The following OPCML variants were observed in gnomAD, a reference collection of about 807,000 sequenced individuals.
OPCML encodes opioid-binding protein/cell adhesion molecule.
In OPCML, 13 loss-of-function variants were observed where a neutral mutation model predicts 37.8. That is an observed-to-expected ratio of 0.34 (90% CI 0.22 to 0.55). The LOEUF (loss-of-function observed/expected upper bound fraction) is 0.55, where lower values mean the gene tolerates loss of function less well. Among genes scored for constraint, OPCML ranks in the 20% least tolerant of loss-of-function variants. The pLI, the probability that OPCML is intolerant of heterozygous loss-of-function variation, is 0.91. For synonymous variants in OPCML, 176 were observed against 168.8 expected, an observed-to-expected ratio of 1.04 and a Z score of -0.33; for missense variants, 341 against 435.6, an observed-to-expected ratio of 0.78 and a Z score of 1.93.
chr11:132,622,814 T>C (rs925697524), intron 3 of OPCML, among the ~76,000 whole-genome samples: 4 of 152,040 alleles, frequency 2.6e-5, no homozygotes, highest in African/African-American at 9.7e-5. Context: ...CAAGCATTTA[T>C]CATATTGCAC....
At chr11:133,143,683 A>G (rs1169238522) in intron 1 of OPCML, among the ~76,000 whole-genome samples, 1 of 152,158 alleles carries the variant, frequency 6.6e-6, no homozygotes, top group African/African-American at 2.4e-5. Context: ...CATGAATCGG[A>G]TGATGCCATT....
At chr11:132,870,178 G>T (rs1442853160) in intron 2 of OPCML, among the ~76,000 whole-genome samples, 1 of 152,102 alleles carries the variant, frequency 6.6e-6, no homozygotes, top group Non-Finnish European at 1.5e-5. Flanking sequence ...ACTTGCTCAG[G>T]AATGGGGGAC....
intron 2 of OPCML, among the ~76,000 whole-genome samples, chr11:132,843,611 CA>C (rs11284432): frequency 0.21 from 30,488 of 144,372 alleles, 3,423 homozygotes; most frequent in African/African-American, 0.31. Context: ...AGCCTGGCAC[CA>C]AAAAAAAAAA....
chr11:132,990,747 T>C (rs2136817545), intron 1 of OPCML, among the ~76,000 whole-genome samples: 1 of 152,332 alleles, frequency 6.6e-6, no homozygotes, highest in South Asian at 2.1e-4. Context: ...CTGAAGATTT[T>C]AGTTGTGTGA....
chr11:133,008,369 CAG>C, intron 1 of OPCML: 1 of 985,416 alleles, frequency 1.0e-6, no homozygotes, highest in Non-Finnish European at 1.2e-6. Flanking sequence ...CCTTCAAAAT[CAG>C]AGCACAATTT....
At chr11:133,044,301 A>G (rs1947963606) in intron 1 of OPCML, among the ~76,000 whole-genome samples, 1 of 152,180 alleles carries the variant, frequency 6.6e-6, no homozygotes. Context: ...GAGGCAAAGG[A>G]TTTCTGTAGG....
At chr11:132,960,482 G>A (rs187238813) in intron 1 of OPCML, among the ~76,000 whole-genome samples, 2 of 152,266 alleles carry the variant, frequency 1.3e-5, no homozygotes, top group African/African-American at 2.4e-5. Flanking sequence ...AACAGAAACC[G>A]GAGGCAAGGC....
At chr11:133,292,415 A>C (rs1942505286) in intron 1 of OPCML, among the ~76,000 whole-genome samples, 1 of 151,986 alleles carries the variant, frequency 6.6e-6, no homozygotes, top group Non-Finnish European at 1.5e-5. Flanking sequence ...TTTTTACTCC[A>C]CGTGTACACA....
rs1949307429 is a variant in OPCML, at chr11:133,114,825, CAG to C, written c.62-171817_62-171816del. On this transcript the variant is annotated intron_variant, in intron 1 of 7. Transcript: ENST00000524381. ...TCTCAAAGCAAATGGTTGTGAGTTT[CAG>C]AGAGAGTGGTAGTTTGAGTAAAAAA... 8.5e-5 allele frequency among the ~76,000 whole-genome samples: 13 copies of C among 152,164 alleles called. 1 individual carries two copies. The South Asian group carries it at 2.7e-3, about 32-fold the overall frequency.
chr11:132,452,311 TG>T (rs986876814), intron 4 of OPCML, among the ~76,000 whole-genome samples: 22 of 152,168 alleles, frequency 1.4e-4, no homozygotes, highest in Admixed American at 1.4e-3. Flanking sequence ...GGCACCAAGC[TG>T]GGGGAGGATG....
At chr11:133,148,476 G>A (rs1321579856) in intron 1 of OPCML, among the ~76,000 whole-genome samples, 1 of 152,202 alleles carries the variant, frequency 6.6e-6, no homozygotes, top group African/African-American at 2.4e-5. Context: ...AAGTATCGCT[G>A]GCTGTTGGTT....
chr11:133,299,621 A>G (rs1942730415), intron 1 of OPCML: 1 of 152,244 alleles, frequency 6.6e-6, no homozygotes, highest in African/African-American at 2.4e-5. Flanking sequence ...AGACAAGCAT[A>G]CCTGAAATTG....
At chr11:132,715,267 C>A (rs1006672547) in intron 2 of OPCML, among the ~76,000 whole-genome samples, 1 of 152,238 alleles carries the variant, frequency 6.6e-6, no homozygotes, top group African/African-American at 2.4e-5. Context: ...ACTTACTAAG[C>A]ATCTACTATG....
chr11:132,772,495 T>G, intron 2 of OPCML: 1 of 152,228 alleles, frequency 6.6e-6, no homozygotes, highest in African/African-American at 2.4e-5. Context: ...GGTAGCCAGT[T>G]GGGAACCTTT....
intron 4 of OPCML, among the ~76,000 whole-genome samples, chr11:132,456,797 T>A (rs572145801): frequency 1.3e-5 from 2 of 152,362 alleles, no homozygotes; most frequent in South Asian, 4.1e-4. Flanking sequence ...CCAATTGAAA[T>A]TCCTTAAAGA....
intron 1 of OPCML, among the ~76,000 whole-genome samples, chr11:133,315,288 T>A (rs1262429613): frequency 6.6e-6 from 1 of 152,204 alleles, no homozygotes; most frequent in Non-Finnish European, 1.5e-5. Flanking sequence ...ATTATTCTTG[T>A]GATATTACAT....
intron 2 of OPCML, among the ~76,000 whole-genome samples, chr11:132,850,176 C>A (rs1035475825): frequency 3.9e-5 from 6 of 152,114 alleles, no homozygotes; most frequent in Admixed American, 6.5e-5. Context: ...TAAACAAAGT[C>A]CCTCTGGGAA....
intron 1 of OPCML, among the ~76,000 whole-genome samples, chr11:133,457,846 G>C (rs1946705331): frequency 6.6e-6 from 1 of 152,000 alleles, no homozygotes; most frequent in African/African-American, 2.4e-5. Flanking sequence ...TCAAAACTCT[G>C]TCAAAATACA....
intron 2 of OPCML, among the ~76,000 whole-genome samples, chr11:132,705,872 A>G (rs1191432276): frequency 1.3e-5 from 2 of 152,100 alleles, no homozygotes; most frequent in Non-Finnish European, 2.9e-5. Context: ...CAGTGGCACA[A>G]TCTCGGCCCA....
Sources: gnomAD v4.1 joint callset for allele counts (sites outside exome capture counted in the v4.1 genomes callset) on GRCh38, gnomAD v4.1.1 for gene constraint, MANE v1.5 for transcripts, NCBI Gene and HGNC (gene_info 2026-07-23, HGNC 2026-07-21) for gene names.